CDK6: variants seen among roughly 807,000 people sequenced by gnomAD.
The protein encoded by CDK6 is cyclin-dependent kinase 6.
Under a neutral mutation model 37.1 loss-of-function variants are expected in CDK6, and 6 were observed. The ratio of observed to expected loss-of-function variants is 0.16; its 90% CI spans 0.09 to 0.32. CDK6 has a LOEUF of 0.32. Among genes scored for constraint, CDK6 ranks in the 10% least tolerant of loss-of-function variants. The probability of loss-of-function intolerance (pLI) is 1.00; values close to 1 mark genes in which losing one functional copy is unlikely to be tolerated. For missense variants in CDK6, 224 were observed against 418.9 expected (o/e 0.53, Z 4.06); for synonymous variants, 160 against 161.3 (o/e 0.99, Z 0.06).
intron 5 of CDK6, among the ~76,000 whole-genome samples, chr7:92,656,370 G>C (rs1353674531): frequency 2.0e-5 from 3 of 152,086 alleles, no homozygotes; most frequent in Non-Finnish European, 4.4e-5. Flanking sequence ...TCCACAGCAA[G>C]GGCCCGTATG....
rs561795968 is a variant in CDK6, at chr7:92,705,421, G to A, written c.537+20205C>T. 3.3e-5 allele frequency among the ~76,000 whole-genome samples: 5 copies of A among 152,256 alleles called. No homozygotes were observed. The East Asian group carries it at 9.6e-4, about 29-fold the overall frequency. On this transcript the variant is annotated intron_variant, in intron 4 of 7. Coordinates refer to ENST00000424848, the MANE Select transcript of CDK6 (RefSeq NM_001145306.2). ...CTCCTACGTTTTGGGTCCATGCTAA[G>A]GCATGCTTAGCAAACACAAATCATT...
intron 5 of CDK6, among the ~76,000 whole-genome samples, chr7:92,626,489 C>G (rs1187562136): frequency 6.6e-6 from 1 of 151,996 alleles, no homozygotes; most frequent in Non-Finnish European, 1.5e-5. Context: ...AAAGTAACAT[C>G]TAAGGAAACA....
chr7:92,795,376 A>G (rs903620960), intron 2 of CDK6, among the ~76,000 whole-genome samples: 13 of 152,182 alleles, frequency 8.5e-5, no homozygotes, highest in African/African-American at 2.7e-4. Context: ...AGCAATTTAC[A>G]TTCAGTATAC....
At position 92,833,430 on chromosome 7, in the gene CDK6, T is replaced by C. The variant is rs375851057; in HGVS notation, c.-107A>G. 7 of 737,222 alleles carry C rather than the reference T, an allele frequency of 9.5e-6. No homozygotes were observed. The Admixed American group carries it at 1.6e-4, about 17-fold the overall frequency. 45.7% of individuals were successfully genotyped at this position (737,222 alleles called of 1,614,324 possible). A position where few individuals can be genotyped will look rare whatever the true frequency, so the allele number is the denominator to read the frequency against. ...CTCCGGGGCTCCCCGGAGATCGGTC[T>C]AGCTTTACTTGCTCCCCGCCGGCTC... On this transcript the variant is annotated 5_prime_UTR_variant, in exon 2 of 8. Coordinates refer to ENST00000424848, the MANE Select transcript of CDK6 (RefSeq NM_001145306.2). This position sits in a 1 kb window ranked among gnomAD's most constrained non-coding sequence, Gnocchi z 6.1.
chr7:92,819,194 A>G (rs541695058), intron 2 of CDK6, among the ~76,000 whole-genome samples: 9 of 152,246 alleles, frequency 5.9e-5, no homozygotes, highest in African/African-American at 1.9e-4. Flanking sequence ...ATGAATAAAC[A>G]AATTGTGGTA....
At chr7:92,705,708 GTT>G (rs1797950307) in intron 4 of CDK6, among the ~76,000 whole-genome samples, 1 of 152,162 alleles carries the variant, frequency 6.6e-6, no homozygotes, top group Non-Finnish European at 1.5e-5. Flanking sequence ...GCCAGGGTAC[GTT>G]TTCTTTGGAG....
rs1795404445 is a variant in CDK6, at chr7:92,605,430, CT to C, written c.*9709del. The C allele has an allele frequency of 8.6e-6, 2 of 233,224 alleles. No homozygotes were observed. The highest frequency in any genetic ancestry group is 1.2e-4 in the East Asian group (2 of 16,530). The allele number at this position is 233,224 out of a possible 1,614,324, so 14.4% of individuals were successfully genotyped here. A position where few individuals can be genotyped will look rare whatever the true frequency, so the allele number is the denominator to read the frequency against. On this transcript the variant is annotated 3_prime_UTR_variant, in exon 8 of 8. Transcript: ENST00000424848. ...AGAAACCCTGGGTCACAAAGCATCC[CT>C]TACTTGAGCTACTTTTAAAACCAGA...
intron 4 of CDK6, among the ~76,000 whole-genome samples, chr7:92,673,241 C>T (rs1221145317): frequency 6.6e-6 from 1 of 152,136 alleles, no homozygotes; most frequent in East Asian, 1.9e-4. Context: ...GCAGAACTGC[C>T]AGCTGAGTCC....
intron 6 of CDK6, 142 bp from the exon 7 acceptor site, chr7:92,618,349 G>T (rs1795727002): frequency 2.7e-6 from 2 of 730,896 alleles, no homozygotes; most frequent in African/African-American, 1.8e-5. Context: ...CACTGGCAGG[G>T]TCTCTGTTTA....
rs539931986 is a variant in CDK6 at position 92,787,724 on chromosome 7, C to T, written c.234-12893G>A. On this transcript the variant is annotated intron_variant, in intron 2 of 7. Transcript: ENST00000424848. ...TTTTCTGATACTTGGTGAAAAAGGT[C>T]AAAGTAACAGACTACCACGAAACAA... Among the ~76,000 whole-genome samples, 7 of 151,946 alleles carry T rather than the reference C, an allele frequency of 4.6e-5. No homozygotes were observed. In the South Asian group the frequency reaches 1.5e-3, roughly 31 times the overall value.
chr7:92,607,502 A>G lies in CDK6; in HGVS notation c.*7638T>C, dbSNP rs1417421602. The G allele has an allele frequency of 4.3e-6, 1 of 232,892 alleles. No individual in the cohort carries two copies. 14.4% of individuals were successfully genotyped at this position (232,892 alleles called of 1,614,324 possible). Reference sequence around the variant, plus strand: ...CCCAAAATACTACATCTATATATTCAAATCTACTAATCATGTTACAAATGC... The same window carrying G: ...CCCAAAATACTACATCTATATATTCGAATCTACTAATCATGTTACAAATGC... On this transcript the variant is annotated 3_prime_UTR_variant, in exon 8 of 8. Transcript: ENST00000424848.
chr7:92,648,781 G>A (rs1796505518), intron 5 of CDK6, among the ~76,000 whole-genome samples: 1 of 152,066 alleles, frequency 6.6e-6, no homozygotes, highest in Non-Finnish European at 1.5e-5. Flanking sequence ...GACCTAACAA[G>A]GACCATTTTT....
intron 4 of CDK6, among the ~76,000 whole-genome samples, chr7:92,680,193 G>A (rs951168982): frequency 3.3e-5 from 5 of 151,076 alleles, no homozygotes; most frequent in Admixed American, 6.6e-5. Context: ...AGCACTTTGG[G>A]AGGCTGAGGA....
chr7:92,711,350 C>T (rs749625175), intron 4 of CDK6, among the ~76,000 whole-genome samples: 8 of 151,862 alleles, frequency 5.3e-5, no homozygotes, highest in Non-Finnish European at 8.8e-5. Context: ...ACAAGAAATC[C>T]CAAACAAACA....
At chr7:92,658,216 T>A (rs569827779) in intron 5 of CDK6, among the ~76,000 whole-genome samples, 2 of 152,252 alleles carry the variant, frequency 1.3e-5, no homozygotes, top group South Asian at 2.1e-4. Context: ...ATTTAAAAAA[T>A]TTGCATGTCA....
At chr7:92,699,406 A>G (rs1797792850) in intron 4 of CDK6, among the ~76,000 whole-genome samples, 1 of 152,250 alleles carries the variant, frequency 6.6e-6, no homozygotes, top group Non-Finnish European at 1.5e-5. Flanking sequence ...TCTTGGTAAC[A>G]GGAATCAGAA....
intron 2 of CDK6, among the ~76,000 whole-genome samples, chr7:92,789,264 C>T (rs1396770570): frequency 1.3e-5 from 2 of 151,934 alleles, no homozygotes; most frequent in African/African-American, 4.8e-5. Flanking sequence ...AGTTTTTTGC[C>T]AATAGATCTG....
chr7:92,790,872 G>T (rs374544711), intron 2 of CDK6, among the ~76,000 whole-genome samples: 2 of 152,158 alleles, frequency 1.3e-5, no homozygotes, highest in South Asian at 2.1e-4. Flanking sequence ...TGAAACCAAA[G>T]AAAGTGTGAG....
intron 3 of CDK6, among the ~76,000 whole-genome samples, chr7:92,754,595 C>G (rs1440687866): frequency 6.6e-6 from 1 of 152,200 alleles, no homozygotes; most frequent in Non-Finnish European, 1.5e-5. Context: ...CAAAGCCACT[C>G]CAAAGCACAG....
Sources: gnomAD v4.1 joint callset for allele counts (sites outside exome capture counted in the v4.1 genomes callset) on GRCh38, gnomAD v4.1.1 for gene constraint, Gnocchi (gnomAD v3.1) non-coding constraint, MANE v1.5 for transcripts, NCBI Gene and HGNC (gene_info 2026-07-23, HGNC 2026-07-21) for gene names.